Variants in ZFP1 observed in about 807,000 individuals in gnomAD.
The protein encoded by ZFP1 is ZFP1 zinc finger protein.
ZFP1 carries 32 observed loss-of-function variants against 38.5 expected under a neutral mutation model. The observed-to-expected ratio is 0.83, with a 90% CI of 0.63 to 1.12. The LOEUF is 1.12. Among genes scored for constraint, ZFP1 ranks in the 50% most tolerant of loss-of-function variants. The pLI, the probability that ZFP1 is intolerant of heterozygous loss-of-function variation, is 0.00. For synonymous variants in ZFP1, 245 were observed against 168.8 expected (o/e 1.45, Z -3.50); for missense variants, 616 against 480.8 (o/e 1.28, Z -2.63).
At chr16:75,146,427 A>G (rs1288128812), upstream of ZFP1, among the ~76,000 whole-genome samples, 1 of 151,480 alleles carries the variant, frequency 6.6e-6, no homozygotes, top group African/African-American at 2.4e-5. Context: ...TCGGCCTCCC[A>G]AAGTGCTGGG....
chr16:75,170,463 T>C lies in ZFP1; in HGVS notation c.*129T>C. The C allele has an allele frequency of 7.7e-7, 1 of 1,307,048 alleles. No homozygotes were observed. The highest frequency in any genetic ancestry group is 1.0e-6 in the Non-Finnish European group (1 of 999,098). The allele number at this position is 1,307,048 out of a possible 1,614,324, so 81.0% of individuals were successfully genotyped here. A position where few individuals can be genotyped will look rare whatever the true frequency, so the allele number is the denominator to read the frequency against. The stretch of plus-strand genomic sequence containing the variant: ...GCAATCTCTCAACTCAAAAATGTAT[T>C]AAAAATAGGATCCCATGAGAACATT... On this transcript the variant is annotated 3_prime_UTR_variant, in exon 4 of 4. Transcript: ENST00000570010.
intron 2 of ZFP1, among the ~76,000 whole-genome samples, chr16:75,162,477 A>G (rs1357627885): frequency 2.6e-5 from 4 of 152,086 alleles, no homozygotes; most frequent in South Asian, 2.1e-4. Context: ...AGTGCCTAAC[A>G]TTTTGACGTT....
chr16:75,154,576 T>G (rs1396222158), intron 2 of ZFP1, among the ~76,000 whole-genome samples: 8 of 39,090 alleles, frequency 2.0e-4, no homozygotes, highest in East Asian at 2.1e-3. Flanking sequence ...AATGAGAGTT[T>G]TTTTTTTTTT....
chr16:75,150,032 G>A (rs1485348455), intron 1 of ZFP1, among the ~76,000 whole-genome samples: 1 of 151,974 alleles, frequency 6.6e-6, no homozygotes, highest in African/African-American at 2.4e-5. Flanking sequence ...TGATTCTCCC[G>A]CCTTGGCTTC....
intron 2 of ZFP1, among the ~76,000 whole-genome samples, chr16:75,162,896 A>ATGTAT (rs2037856869): frequency 6.8e-6 from 1 of 147,614 alleles, no homozygotes; most frequent in Non-Finnish European, 1.5e-5. Flanking sequence ...TATATTTTAA[A>ATGTAT]TGTATTAAAA....
At chr16:75,119,331 C>T in the ZFP1 span, among the ~76,000 whole-genome samples, 12 of 152,144 alleles carry the variant, frequency 7.9e-5, no homozygotes, top group Non-Finnish European at 4.4e-5. Context: ...CGGAAGCACA[C>T]CCTCCAGAGA....
the ZFP1 span, among the ~76,000 whole-genome samples, chr16:75,138,645 G>C: frequency 3.0e-4 from 46 of 152,350 alleles, no homozygotes; most frequent in African/African-American, 1.1e-3. Flanking sequence ...AATATGGCTA[G>C]TATCCTGATT....
upstream of ZFP1, among the ~76,000 whole-genome samples, chr16:75,145,404 C>T (rs541791682): frequency 4.6e-5 from 7 of 152,238 alleles, no homozygotes; most frequent in Non-Finnish European, 7.4e-5. Flanking sequence ...GGCAGGAGGG[C>T]GGGATTCCTG....
At chr16:75,120,962 C>T in the ZFP1 span, among the ~76,000 whole-genome samples, 1 of 152,114 alleles carries the variant, frequency 6.6e-6, no homozygotes, top group Non-Finnish European at 1.5e-5. Context: ...GGTTTAGACA[C>T]TTAGAAATGT....
upstream of ZFP1, chr16:75,144,280 T>G (rs540325889): frequency 6.6e-6 from 1 of 152,296 alleles, no homozygotes; most frequent in Admixed American, 6.5e-5. Context: ...AAAATATGCA[T>G]AGTTTTTTAC....
At chr16:75,128,962 G>C in the ZFP1 span, among the ~76,000 whole-genome samples, 1 of 151,934 alleles carries the variant, frequency 6.6e-6, no homozygotes, top group African/African-American at 2.4e-5. Context: ...GGCTAATTTT[G>C]TATTTTTAGT....
Position 75,169,853 on chromosome 16 carries a change from C to G in ZFP1, c.743C>G (p.Ala248Gly), listed in dbSNP as rs931452043. The G allele has an allele frequency of 6.2e-7, 1 of 1,614,140 alleles. No individual in the cohort carries two copies. Among genetic ancestry groups the G allele is most frequent in the African/African-American group, 1.3e-5 (1 of 75,044 alleles). Residue 248 changes from alanine (A) to glycine (G), a missense_variant, in exon 4 of 4, where the codon GCT becomes GGT. Ala to Gly is a moderately conservative substitution (Grantham distance 60). Transcript: ENST00000570010. The part of the protein sequence containing the change: ...KPFECPECGK[A>G]FTHQSNLIVH... The stretch of plus-strand genomic sequence containing the variant: ...TTCGAGTGTCCGGAATGTGGAAAAG[C>G]TTTCACCCACCAGTCAAACCTCATT...
At chr16:75,166,660 A>G in intron 2 of ZFP1, 110 bp from the exon 3 acceptor site, 1 of 1,570,516 alleles carries the variant, frequency 6.4e-7, no homozygotes, top group South Asian at 1.2e-5. Context: ...AACAAGATGT[A>G]TCGTTGGTGT....
In ZFP1 at chr16:75,170,696, CT is replaced by C. The variant is rs925926283; in HGVS notation, c.*365del. ...TATGCCACAAAACACAAGTGGTATG[CT>C]TTAGATCTGCACATGTGAATTTAGC... On this transcript the variant is annotated 3_prime_UTR_variant, in exon 4 of 4. Transcript: ENST00000570010. 39 of 178,148 alleles carry C rather than the reference CT, an allele frequency of 2.2e-4. No homozygotes were observed. The highest frequency in any genetic ancestry group is 9.2e-4 in the African/African-American group (39 of 42,346). The allele number at this position is 178,148 out of a possible 1,614,324, so 11.0% of individuals were successfully genotyped here. A position where few individuals can be genotyped will look rare whatever the true frequency, so the allele number is the denominator to read the frequency against.
In ZFP1 at chr16:75,150,251, C is replaced by T. The variant is rs184257816; in HGVS notation, c.-44+1608C>T. Reference sequence around the variant, plus strand: ...TGAGACAGAGTCTCGCTCTGTTGCCCAGTCTGGAGTGCAGTAGCGAGATCT... The same window carrying T: ...TGAGACAGAGTCTCGCTCTGTTGCCTAGTCTGGAGTGCAGTAGCGAGATCT... On this transcript the variant is annotated intron_variant, in intron 1 of 3. Coordinates refer to ENST00000570010, the MANE Select transcript of ZFP1 (RefSeq NM_153688.4). 9.5e-5 allele frequency among the ~76,000 whole-genome samples: 14 copies of T among 147,760 alleles called. No individual in the cohort carries two copies. The East Asian group carries it at 2.4e-3, about 25-fold the overall frequency.
At chr16:75,129,781 T>C in the ZFP1 span, among the ~76,000 whole-genome samples, 5 of 152,256 alleles carry the variant, frequency 3.3e-5, no homozygotes, top group South Asian at 8.3e-4. Context: ...CTTGGCAAAA[T>C]AAACTTTCTA....
chr16:75,120,495 A>ACCTGTTTG, the ZFP1 span, among the ~76,000 whole-genome samples: 15 of 148,100 alleles, frequency 1.0e-4, no homozygotes, highest in East Asian at 6.0e-4. Context: ...TATTGTTGTT[A>ACCTGTTTG]CCTGTTTGTG....
upstream of ZFP1, among the ~76,000 whole-genome samples, chr16:75,145,435 G>C (rs2036932356): frequency 6.6e-6 from 1 of 152,210 alleles, no homozygotes; most frequent in Admixed American, 6.5e-5. Flanking sequence ...TTACCCTCAA[G>C]CTTGGACCCA....
At chr16:75,154,456 C>G (rs533629351) in intron 2 of ZFP1, among the ~76,000 whole-genome samples, 44 of 152,130 alleles carry the variant, frequency 2.9e-4, no homozygotes, top group African/African-American at 1.0e-3. Context: ...TGGATAAATA[C>G]CAAGGCCCCT....
Sources: gnomAD v4.1 joint callset for allele counts (sites outside exome capture counted in the v4.1 genomes callset) on GRCh38, gnomAD v4.1.1 for gene constraint, MANE v1.5 for transcripts, NCBI Gene and HGNC (gene_info 2026-07-23, HGNC 2026-07-21) for gene names.